GLMN: variants seen among roughly 807,000 people sequenced by gnomAD.
The protein encoded by GLMN is glomulin, FKBP associated protein.
In GLMN, 75 loss-of-function variants were observed where a neutral mutation model predicts 87.8. That is an observed-to-expected ratio of 0.85 (90% confidence interval 0.71 to 1.04). The LOEUF (loss-of-function observed/expected upper bound fraction) is 1.04, where lower values mean the gene tolerates loss of function less well. Ranked by LOEUF, GLMN falls within the 50% of genes least tolerant of loss-of-function variation. The pLI, the probability that GLMN is intolerant of heterozygous loss-of-function variation, is 0.00. For missense variants in GLMN, 588 were observed against 658.8 expected (o/e 0.89, Z 1.18); for synonymous variants, 206 against 221.6 (o/e 0.93, Z 0.63).
chr1:92,338,551 G>T, the GLMN span, among the ~76,000 whole-genome samples: 1 of 152,236 alleles, frequency 6.6e-6, no homozygotes, highest in African/African-American at 2.4e-5. Flanking sequence ...TGAAGTTTAG[G>T]ATTTGTTCAG....
intron 13 of GLMN, among the ~76,000 whole-genome samples, chr1:92,266,211 A>T (rs1319846770): frequency 6.6e-6 from 1 of 152,234 alleles, no homozygotes; most frequent in East Asian, 1.9e-4. Flanking sequence ...ACTATTAGTC[A>T]TACAAAATAT....
At chr1:92,272,251 C>T (rs1656313583) in intron 7 of GLMN, among the ~76,000 whole-genome samples, 1 of 152,158 alleles carries the variant, frequency 6.6e-6, no homozygotes, top group African/African-American at 2.4e-5. Flanking sequence ...CCCAATGAGA[C>T]CCTGAGCAGA....
the GLMN span, among the ~76,000 whole-genome samples, chr1:92,346,937 C>T: frequency 6.6e-6 from 1 of 152,168 alleles, no homozygotes; most frequent in South Asian, 2.1e-4. Context: ...ACCAGACACT[C>T]ACAGGTCAAA....
At chr1:92,257,913 G>A (rs1466000520) in intron 16 of GLMN, among the ~76,000 whole-genome samples, 4 of 152,080 alleles carry the variant, frequency 2.6e-5, no homozygotes, top group Non-Finnish European at 5.9e-5. Context: ...ATGGACAAAT[G>A]GGATCTAATT....
At chr1:92,345,837 ATCTT>A in the GLMN span, 3 of 1,518,640 alleles carry the variant, frequency 2.0e-6, no homozygotes, top group Non-Finnish European at 2.7e-6. Flanking sequence ...AATTTTATCT[ATCTT>A]TCAGGTTAAC....
chr1:92,256,882 A>G (rs1654343606), intron 16 of GLMN, among the ~76,000 whole-genome samples: 1 of 151,554 alleles, frequency 6.6e-6, no homozygotes, highest in African/African-American at 2.4e-5. Flanking sequence ...CCTATTCAAC[A>G]TAGTATTGGA....
the GLMN span, among the ~76,000 whole-genome samples, chr1:92,357,684 A>G: frequency 6.6e-5 from 10 of 152,202 alleles, no homozygotes; most frequent in Non-Finnish European, 1.5e-4. Context: ...GGCATGCGCC[A>G]CCACACCCAG....
chr1:92,340,051 A>G, the GLMN span, among the ~76,000 whole-genome samples: 1 of 152,286 alleles, frequency 6.6e-6, no homozygotes, highest in Non-Finnish European at 1.5e-5. Flanking sequence ...CTACTTTTAT[A>G]TATGTTTGAA....
chr1:92,276,732 T>A (rs926926203), intron 7 of GLMN, among the ~76,000 whole-genome samples: 4 of 152,146 alleles, frequency 2.6e-5, no homozygotes, highest in African/African-American at 4.8e-5. Flanking sequence ...TTTGTTTTTT[T>A]AAAAAAGCCC....
the GLMN span, among the ~76,000 whole-genome samples, chr1:92,337,511 C>T: frequency 3.9e-5 from 6 of 152,082 alleles, no homozygotes; most frequent in Non-Finnish European, 8.8e-5. Context: ...AAAGAATTGT[C>T]TTCAGCTGCT....
the GLMN span, among the ~76,000 whole-genome samples, chr1:92,310,354 TA>T: frequency 6.6e-6 from 1 of 152,202 alleles, no homozygotes; most frequent in Admixed American, 6.5e-5. Context: ...TTTGTATTTT[TA>T]AAAGCTTGTC....
intron 7 of GLMN, among the ~76,000 whole-genome samples, chr1:92,283,840 A>G (rs945238707): frequency 3.3e-5 from 5 of 152,202 alleles, no homozygotes; most frequent in Non-Finnish European, 7.3e-5. Flanking sequence ...ACAAACAGAG[A>G]GCCAAATCAT....
rs1256811924 is a variant in GLMN, at chr1:92,288,906, A to G, written c.632+8T>C. ...TCCACTGTGAGATGTTCTTAAAATT[A>G]TACTTACAATTTCAGTAATTCATCC... On this transcript the variant is annotated splice_region_variant and intron_variant, in intron 6 of 18. Transcript: ENST00000370360. 4.6e-6 allele frequency: 6 copies of G among 1,311,314 alleles called. No homozygotes were observed. Among genetic ancestry groups the G allele is most frequent in the Non-Finnish European group, 6.6e-6 (6 of 904,306 alleles). 81.2% of individuals were successfully genotyped at this position (1,311,314 alleles called of 1,614,324 possible).
chr1:92,332,361 A>G, the GLMN span, among the ~76,000 whole-genome samples: 1 of 151,950 alleles, frequency 6.6e-6, no homozygotes, highest in African/African-American at 2.4e-5. Flanking sequence ...TCAACCTCAT[A>G]ATTTTTCTTT....
At chr1:92,352,365 G>A in the GLMN span, among the ~76,000 whole-genome samples, 4 of 152,198 alleles carry the variant, frequency 2.6e-5, no homozygotes, top group South Asian at 6.2e-4. Flanking sequence ...CCATCATACA[G>A]ATAGATACTC....
chr1:92,273,441 GTT>G (rs563200839), intron 7 of GLMN, among the ~76,000 whole-genome samples: 5 of 109,442 alleles, frequency 4.6e-5, no homozygotes, highest in African/African-American at 1.0e-4. Flanking sequence ...AGGTAGCCCT[GTT>G]TTTTTTTTTT....
At chr1:92,296,738 G>C (rs1469009062) in intron 3 of GLMN, among the ~76,000 whole-genome samples, 1 of 152,206 alleles carries the variant, frequency 6.6e-6, no homozygotes, top group Non-Finnish European at 1.5e-5. Context: ...TTCCATTGTG[G>C]AGGATGATTT....
At chr1:92,343,610 A>T in the GLMN span, among the ~76,000 whole-genome samples, 1 of 152,214 alleles carries the variant, frequency 6.6e-6, no homozygotes. Flanking sequence ...TAAAGAAAAC[A>T]TTATAATTAA....
intron 14 of GLMN, among the ~76,000 whole-genome samples, chr1:92,263,960 A>G (rs1156645489): frequency 1.3e-5 from 2 of 152,226 alleles, no homozygotes; most frequent in African/African-American, 4.8e-5. Context: ...CAGAAACAGA[A>G]GAGACTTAAG....
Sources: gnomAD v4.1 joint callset for allele counts (sites outside exome capture counted in the v4.1 genomes callset) on GRCh38, gnomAD v4.1.1 for gene constraint, MANE v1.5 for transcripts, NCBI Gene and HGNC (gene_info 2026-07-23, HGNC 2026-07-21) for gene names.